Variants in POLD3 observed in about 807,000 individuals in gnomAD.
POLD3 encodes the protein DNA polymerase delta subunit 3.
In POLD3, 19 loss-of-function variants were observed where a neutral mutation model predicts 58.2. That is an observed-to-expected ratio of 0.33 (90% CI 0.23 to 0.48). The LOEUF (loss-of-function observed/expected upper bound fraction) is 0.48. POLD3 is among the 20% of genes least tolerant of loss of function. POLD3 has a pLI of 0.99. For missense variants in POLD3, 504 were observed against 545.5 expected, an observed-to-expected ratio of 0.92 and a Z score of 0.76; for synonymous variants, 172 against 193.5, an observed-to-expected ratio of 0.89 and a Z score of 0.92.
chr11:74,651,401 T>C (rs908966990), intron 4 of POLD3, among the ~76,000 whole-genome samples: 2 of 152,166 alleles, frequency 1.3e-5, no homozygotes, highest in African/African-American at 4.8e-5. Flanking sequence ...TTACCTTGTG[T>C]CTCCATAGAG....
chr11:74,600,451 A>G (rs983613871), intron 2 of POLD3, among the ~76,000 whole-genome samples: 1 of 151,726 alleles, frequency 6.6e-6, no homozygotes, highest in Non-Finnish European at 1.5e-5. Context: ...GTGAGCCACC[A>G]CACCTGGCGC....
intron 3 of POLD3, among the ~76,000 whole-genome samples, chr11:74,609,373 T>TATATATATATATATATATATATATA (rs1491467177): frequency 2.5e-4 from 4 of 16,112 alleles, no homozygotes; most frequent in African/African-American, 7.3e-4. Flanking sequence ...TATATATATA[T>TATATATATATATATATATATATATA]TTTTTTTTTT....
rs531315714 is a variant in POLD3, at chr11:74,620,147, T to C, written c.733+58T>C. ...AATGAATGTTAATGTAATGACATAT[T>C]ATACCTGAAGTGAAAGCCACTTTGT... On this transcript the variant is annotated intron_variant, in intron 7 of 11. Coordinates refer to ENST00000263681, the MANE Select transcript of POLD3 (RefSeq NM_006591.3). 20 of 1,301,398 alleles carry C rather than the reference T, an allele frequency of 1.5e-5. No homozygotes were observed. The African/African-American group carries it at 2.6e-4, about 17-fold the overall frequency. 80.6% of individuals were successfully genotyped at this position (1,301,398 alleles called of 1,614,324 possible).
At chr11:74,616,179 A>T (rs924396470) in intron 5 of POLD3, among the ~76,000 whole-genome samples, 12 of 152,206 alleles carry the variant, frequency 7.9e-5, no homozygotes, top group Admixed American at 7.2e-4. Context: ...GCCAGGGCCC[A>T]CTAAAATAAA....
At chr11:74,627,799 T>C (rs931776480) in intron 8 of POLD3, among the ~76,000 whole-genome samples, 3 of 152,146 alleles carry the variant, frequency 2.0e-5, no homozygotes, top group African/African-American at 7.2e-5. Flanking sequence ...GACTATACCA[T>C]CTAGGTTTGT....
At chr11:74,660,128 T>A (rs905079536) in intron 4 of POLD3, among the ~76,000 whole-genome samples, 10 of 151,808 alleles carry the variant, frequency 6.6e-5, no homozygotes, top group Non-Finnish European at 1.5e-4. Flanking sequence ...AAGAGAAAAA[T>A]GAGGAGGAAG....
At chr11:74,636,111 G>C (rs1257750355) in intron 10 of POLD3, 86 bp from the exon 11 acceptor site, 1 of 1,237,176 alleles carries the variant, frequency 8.1e-7, no homozygotes, top group African/African-American at 1.5e-5. Flanking sequence ...GTATTGGAGA[G>C]TGATTAGTAT....
chr11:74,616,722 C>T (rs2032091044), intron 5 of POLD3, among the ~76,000 whole-genome samples: 1 of 152,094 alleles, frequency 6.6e-6, no homozygotes, highest in South Asian at 2.1e-4. Flanking sequence ...GAGCTTTTGA[C>T]TCTAGCTTTG....
rs989502735 is a variant in POLD3, at chr11:74,601,045, T to C, written c.117-3647T>C. Among the ~76,000 whole-genome samples the C allele has an allele frequency of 1.1e-4, 16 of 152,254 alleles. 1 individual carries two copies. Among genetic ancestry groups the C allele is most frequent in the African/African-American group, 3.9e-4 (16 of 41,544 alleles). On this transcript the variant is annotated intron_variant, in intron 2 of 11. Transcript: ENST00000263681. Reference sequence around the variant, plus strand: ...CAAGAATTGTTTTTTAAAATAAGAGTTTGCTTTGCATTTTCTGTTAATATA... The same window carrying C: ...CAAGAATTGTTTTTTAAAATAAGAGCTTGCTTTGCATTTTCTGTTAATATA...
chr11:74,619,866 G>T, intron 6 of POLD3, 151 bp from the exon 7 acceptor site: 1 of 588,202 alleles, frequency 1.7e-6, no homozygotes, highest in East Asian at 2.8e-5. Context: ...TTCTAGATTT[G>T]TTCTTATATC....
At chr11:74,659,750 T>C (rs1302225115) in intron 4 of POLD3, among the ~76,000 whole-genome samples, 1 of 152,196 alleles carries the variant, frequency 6.6e-6, no homozygotes, top group Non-Finnish European at 1.5e-5. Context: ...CTTATCTCCA[T>C]CTGAGACTAC....
intron 5 of POLD3, among the ~76,000 whole-genome samples, chr11:74,617,509 C>A (rs2032115414): frequency 6.6e-6 from 1 of 152,160 alleles, no homozygotes; most frequent in South Asian, 2.1e-4. Flanking sequence ...TCAAGCAATT[C>A]TCTTGCCTCA....
At chr11:74,611,279 A>G (rs2031902359) in intron 3 of POLD3, among the ~76,000 whole-genome samples, 1 of 152,158 alleles carries the variant, frequency 6.6e-6, no homozygotes, top group Non-Finnish European at 1.5e-5. Flanking sequence ...CACTTTCCTT[A>G]ACCTTATTGA....
downstream of POLD3, among the ~76,000 whole-genome samples, chr11:74,643,738 A>G (rs7935057): frequency 0.86 from 130,345 of 152,184 alleles, 56,345 homozygotes; most frequent in African/African-American, 0.97. Flanking sequence ...AGATAATGGG[A>G]GCCAACTGAA....
intron 2 of POLD3, 148 bp from the exon 3 acceptor site, chr11:74,604,544 A>T: frequency 3.5e-6 from 2 of 575,094 alleles, no homozygotes; most frequent in Middle Eastern, 3.9e-4. Context: ...TTTTTTTTTC[A>T]ACTGTCCATA....
chr11:74,627,423 A>G (rs1486824390), intron 8 of POLD3, among the ~76,000 whole-genome samples: 1 of 151,736 alleles, frequency 6.6e-6, no homozygotes, highest in Non-Finnish European at 1.5e-5. Context: ...AAAGTTATAA[A>G]ATTGAAAATA....
Position 74,632,796 on chromosome 11 carries a change from T to G in POLD3, c.1007-1787T>G, listed in dbSNP as rs184811538. Among the ~76,000 whole-genome samples, 24 of 151,860 alleles carry G rather than the reference T, an allele frequency of 1.6e-4. No individual in the cohort carries two copies. The East Asian group carries it at 4.7e-3, about 29-fold the overall frequency. Reference sequence around the variant, plus strand: ...GGAGTGTGTGGAAGGAAGAGAGAGATATATGTTGTCTTCCTTGACCTGGAT... The same window carrying G: ...GGAGTGTGTGGAAGGAAGAGAGAGAGATATGTTGTCTTCCTTGACCTGGAT... On this transcript the variant is annotated intron_variant, in intron 9 of 11. Coordinates refer to ENST00000263681, the MANE Select transcript of POLD3 (RefSeq NM_006591.3).
intron 3 of POLD3, 38 bp from the exon 4 acceptor site, chr11:74,611,460 TC>T: frequency 7.6e-7 from 1 of 1,308,056 alleles, no homozygotes; most frequent in South Asian, 1.2e-5. Context: ...AATTGCAGAT[TC>T]TTACATTAAG....
intron 2 of POLD3, among the ~76,000 whole-genome samples, chr11:74,602,203 C>T (rs1456052461): frequency 6.6e-6 from 1 of 152,114 alleles, no homozygotes; most frequent in Non-Finnish European, 1.5e-5. Flanking sequence ...TTCTGCCTCC[C>T]TGAGAGCTGG....
Sources: allele counts gnomAD v4.1 joint callset (sites outside exome capture counted in the v4.1 genomes callset), GRCh38; gene constraint gnomAD v4.1.1; transcripts MANE v1.5; gene names NCBI Gene and HGNC (gene_info 2026-07-23, HGNC 2026-07-21).